The following MXD1 variants were observed in gnomAD, a reference collection of about 807,000 sequenced individuals.
MXD1 encodes MAX-binding protein.
In MXD1, 9 loss-of-function variants were observed where a neutral mutation model predicts 25.7. The ratio of observed to expected loss-of-function variants is 0.35; its 90% CI spans 0.21 to 0.61. The LOEUF (loss-of-function observed/expected upper bound fraction) is 0.61, where lower values mean the gene tolerates loss of function less well. Among genes scored for constraint, MXD1 ranks in the 20% least tolerant of loss-of-function variants. The pLI, the probability that MXD1 is intolerant of heterozygous loss-of-function variation, is 0.75. For synonymous variants in MXD1, 99 were observed against 113.9 expected (o/e 0.87, Z 0.83); for missense variants, 227 against 292.4 (o/e 0.78, Z 1.63).
At chr2:69,926,361 T>C (rs955018742) in intron 3 of MXD1, among the ~76,000 whole-genome samples, 2 of 152,100 alleles carry the variant, frequency 1.3e-5, no homozygotes, top group African/African-American at 4.8e-5. Context: ...CATGCCCTTA[T>C]CTATTTTCAC....
At chr2:69,937,520 C>A (rs1275616958) in intron 5 of MXD1, 126 bp downstream of exon 5, 3 of 934,160 alleles carry the variant, frequency 3.2e-6, no homozygotes, top group South Asian at 1.8e-5. Context: ...GTAGAGAAGT[C>A]GAACAGTGTG....
At chr2:69,916,893 T>G (rs1489858685) in intron 2 of MXD1, among the ~76,000 whole-genome samples, 1 of 152,226 alleles carries the variant, frequency 6.6e-6, no homozygotes, top group African/African-American at 2.4e-5. Flanking sequence ...GGAGATTTGG[T>G]TCATGGTCAG....
intron 3 of MXD1, among the ~76,000 whole-genome samples, chr2:69,934,182 G>A (rs543332720): frequency 6.6e-6 from 1 of 152,214 alleles, no homozygotes; most frequent in Non-Finnish European, 1.5e-5. Flanking sequence ...AAACAAGTCA[G>A]GCAGTACAGT....
intron 2 of MXD1, among the ~76,000 whole-genome samples, chr2:69,920,246 A>G (rs1459365594): frequency 6.6e-6 from 1 of 152,176 alleles, no homozygotes; most frequent in Non-Finnish European, 1.5e-5. Context: ...TCGGCCTCCC[A>G]AAGTGTTGGG....
rs761246608 is a variant in MXD1, at chr2:69,941,096, A to G, written c.*2812A>G. On this transcript the variant is annotated 3_prime_UTR_variant, in exon 6 of 6. Transcript: ENST00000264444. ...CTTTGACAATTGTACGTAAATACAG[A>G]TGTGTATAAATATAGGCACATGCAT... The G allele has an allele frequency of 6.6e-6, 1 of 152,232 alleles. No individual in the cohort carries two copies. Among genetic ancestry groups the G allele is most frequent in the Non-Finnish European group, 1.5e-5 (1 of 68,046 alleles). The allele number at this position is 152,232 out of a possible 1,614,324, so 9.4% of individuals were successfully genotyped here.
In MXD1 at chr2:69,942,069, G is replaced by T. The variant is rs1677619416; in HGVS notation, c.*3785G>T. The T allele has an allele frequency of 6.6e-6, 1 of 151,990 alleles. No homozygotes were observed. Among genetic ancestry groups the T allele is most frequent in the African/African-American group, 2.4e-5 (1 of 41,344 alleles). 9.4% of individuals were successfully genotyped at this position (151,990 alleles called of 1,614,324 possible). Reference sequence around the variant, plus strand: ...CTTCTTTGTTTCCCCAAGTTTGTCTGTCCCCCTTTGCCTTCCCTGAGTGTT... The same window carrying T: ...CTTCTTTGTTTCCCCAAGTTTGTCTTTCCCCCTTTGCCTTCCCTGAGTGTT... On this transcript the variant is annotated 3_prime_UTR_variant, in exon 6 of 6. Coordinates refer to ENST00000264444, the MANE Select transcript of MXD1 (RefSeq NM_002357.4).
chr2:69,931,306 C>T (rs1677276903), intron 3 of MXD1, among the ~76,000 whole-genome samples: 1 of 151,992 alleles, frequency 6.6e-6, no homozygotes, highest in African/African-American at 2.4e-5. Context: ...AACCCATTAA[C>T]CATCCCCACC....
chr2:69,934,642 C>T (rs1263897854), intron 3 of MXD1, among the ~76,000 whole-genome samples: 2 of 152,168 alleles, frequency 1.3e-5, no homozygotes. Context: ...TACAAGAAAA[C>T]ATGAATATAG....
chr2:69,926,280 T>C (rs533852289), intron 3 of MXD1, among the ~76,000 whole-genome samples: 4 of 152,144 alleles, frequency 2.6e-5, no homozygotes, highest in South Asian at 2.1e-4. Flanking sequence ...CTAGACTTAT[T>C]CTTCCAGTCC....
At chr2:69,925,887 C>T (rs1448723397) in intron 3 of MXD1, among the ~76,000 whole-genome samples, 2 of 152,248 alleles carry the variant, frequency 1.3e-5, no homozygotes, top group South Asian at 4.1e-4. Flanking sequence ...ATTTTCCCTG[C>T]ACTTCACAAG....
At chr2:69,932,432 G>A (rs1677310628) in intron 3 of MXD1, among the ~76,000 whole-genome samples, 1 of 152,204 alleles carries the variant, frequency 6.6e-6, no homozygotes, top group South Asian at 2.1e-4. Flanking sequence ...AGTGGCATGT[G>A]GGCAGGGGGC....
chr2:69,932,070 C>A (rs1440783530), intron 3 of MXD1, among the ~76,000 whole-genome samples: 5 of 152,062 alleles, frequency 3.3e-5, no homozygotes, highest in Non-Finnish European at 7.4e-5. Context: ...GGAGTTTGAC[C>A]TGGTTTAAAA....
At position 69,938,809 on chromosome 2, in the gene MXD1, C is replaced by A. The variant is rs1677523238; in HGVS notation, c.*525C>A. ...CCACCAGTGAGGAAGTCAGGAATAC[C>A]TCTAGAAAACACGCCCTTCACACCG... is the stretch of plus-strand genomic sequence containing the variant. On this transcript the variant is annotated 3_prime_UTR_variant, in exon 6 of 6. Coordinates refer to ENST00000264444, the MANE Select transcript of MXD1 (RefSeq NM_002357.4). 6.5e-6 allele frequency: 1 copy of A among 153,776 alleles called. No individual in the cohort carries two copies. Among genetic ancestry groups the A allele is most frequent in the Non-Finnish European group, 1.4e-5 (1 of 69,058 alleles). The allele number at this position is 153,776 out of a possible 1,614,324, so 9.5% of individuals were successfully genotyped here.
chr2:69,924,093 G>C (rs1024865322), intron 3 of MXD1, among the ~76,000 whole-genome samples: 6 of 152,184 alleles, frequency 3.9e-5, no homozygotes, highest in African/African-American at 9.7e-5. Flanking sequence ...ACATGTTACT[G>C]GGTATTAAAT....
Position 69,939,452 on chromosome 2 carries a change from C to A in MXD1, c.*1168C>A, listed in dbSNP as rs1322372976. The A allele has an allele frequency of 1.3e-5, 2 of 152,578 alleles. No homozygotes were observed. The highest frequency in any genetic ancestry group is 2.4e-5 in the African/African-American group (1 of 41,426). The allele number at this position is 152,578 out of a possible 1,614,324, so 9.5% of individuals were successfully genotyped here. ...CCTTAAGTGGTCTCCGACTTTGTAG[C>A]ATTTTTATTTAAGCTAAAACAGAGC... On this transcript the variant is annotated 3_prime_UTR_variant, in exon 6 of 6. Coordinates refer to ENST00000264444, the MANE Select transcript of MXD1 (RefSeq NM_002357.4).
Position 69,937,413 on chromosome 2 carries a change from C to T in MXD1, c.478+19C>T, listed in dbSNP as rs1182797252. On this transcript the variant is annotated intron_variant, in intron 5 of 5. Transcript: ENST00000264444. ...GACAGGGGTGAGCCTCTCTCACTCT[C>T]CTCCCTGTCTCCCTTGTGCTCCCCA... 2 of 1,583,118 alleles carry T rather than the reference C, an allele frequency of 1.3e-6. No individual in the cohort carries two copies. The highest frequency in any genetic ancestry group is 8.6e-7 in the Non-Finnish European group (1 of 1,165,002).
At position 69,935,071 on chromosome 2, in the gene MXD1, G is replaced by A. The variant is rs374946283; in HGVS notation, c.204-280G>A. ...GAGTCAGGGACCATTACTGTATATA[G>A]TATTTACACATGTGAATGACTATAT... is the stretch of plus-strand genomic sequence containing the variant. On this transcript the variant is annotated intron_variant, in intron 3 of 5. Transcript: ENST00000264444. Among the ~76,000 whole-genome samples, 8 of 152,134 alleles carry A rather than the reference G, an allele frequency of 5.3e-5. No homozygotes were observed. In the East Asian group the frequency reaches 1.3e-3, roughly 26 times the overall value.
chr2:69,920,453 T>C (rs1389033305), intron 2 of MXD1, among the ~76,000 whole-genome samples: 5 of 152,238 alleles, frequency 3.3e-5, no homozygotes, highest in Non-Finnish European at 7.3e-5. Context: ...AGAAGTTTAA[T>C]GCTAGGTTGG....
intron 2 of MXD1, among the ~76,000 whole-genome samples, chr2:69,916,781 T>C (rs1244327655): frequency 6.6e-6 from 1 of 152,248 alleles, no homozygotes; most frequent in Non-Finnish European, 1.5e-5. Flanking sequence ...TCTTTAGTGA[T>C]AGAGGAATAT....
Sources: allele counts gnomAD v4.1 joint callset (sites outside exome capture counted in the v4.1 genomes callset), GRCh38; gene constraint gnomAD v4.1.1; transcripts MANE v1.5; gene names NCBI Gene and HGNC (gene_info 2026-07-23, HGNC 2026-07-21).